Variants in BTBD7 observed in about 807,000 individuals in gnomAD.
BTBD7 encodes the protein BTB domain containing 7.
In BTBD7, 38 loss-of-function variants were observed where a neutral mutation model predicts 99.9. The ratio of observed to expected loss-of-function variants is 0.38; its 90% CI spans 0.29 to 0.50. The LOEUF (loss-of-function observed/expected upper bound fraction) is 0.50, where lower values mean the gene tolerates loss of function less well. Among genes scored for constraint, BTBD7 ranks in the 20% least tolerant of loss-of-function variants. BTBD7 has a pLI of 0.93. For synonymous variants in BTBD7, 520 were observed against 511.4 expected (o/e 1.02, Z -0.23); for missense variants, 1,170 against 1,394.6 (o/e 0.84, Z 2.57).
chr14:93,263,741 C>A (rs372048823), intron 4 of BTBD7, 44 bp downstream of exon 4: 3 of 1,550,922 alleles, frequency 1.9e-6, no homozygotes, highest in East Asian at 2.2e-5. Context: ...GGTTTCTTGG[C>A]GCACATATGA....
At chr14:93,257,806 C>T (rs1258573441) in intron 5 of BTBD7, among the ~76,000 whole-genome samples, 1 of 152,180 alleles carries the variant, frequency 6.6e-6, no homozygotes, top group Non-Finnish European at 1.5e-5. Flanking sequence ...AATTTAACAA[C>T]ATGTTAATCA....
At chr14:93,282,258 C>T (rs1024039951) in intron 3 of BTBD7, among the ~76,000 whole-genome samples, 1 of 151,970 alleles carries the variant, frequency 6.6e-6, no homozygotes, top group African/African-American at 2.4e-5. Context: ...ACTTCTACAA[C>T]TAAAAGTAAA....
At chr14:93,300,031 G>C (rs2052975083) in intron 1 of BTBD7, among the ~76,000 whole-genome samples, 1 of 152,108 alleles carries the variant, frequency 6.6e-6, no homozygotes, top group Non-Finnish European at 1.5e-5. Context: ...ACTTTTTATT[G>C]CTTCATGCAA....
chr14:93,270,419 C>T (rs2052589123), intron 3 of BTBD7, among the ~76,000 whole-genome samples: 2 of 151,538 alleles, frequency 1.3e-5, no homozygotes, highest in Non-Finnish European at 2.9e-5. Flanking sequence ...AACAGCCAAG[C>T]GTGGTGGTGG....
At chr14:93,244,147 T>C in intron 10 of BTBD7, 1 of 476,104 alleles carries the variant, frequency 2.1e-6, no homozygotes, top group Non-Finnish European at 4.2e-6. Flanking sequence ...GCAGAGTGAC[T>C]ATGGTGGGCA....
intron 1 of BTBD7, among the ~76,000 whole-genome samples, chr14:93,316,264 T>A (rs2139813913): frequency 6.6e-6 from 1 of 151,420 alleles, no homozygotes; most frequent in Non-Finnish European, 1.5e-5. Context: ...CTTTTTTTTT[T>A]TAATTTTTTT....
chr14:93,293,122 T>C (rs554949347), intron 3 of BTBD7, among the ~76,000 whole-genome samples: 1 of 152,210 alleles, frequency 6.6e-6, no homozygotes, highest in African/African-American at 2.4e-5. Context: ...GTCTTTGCTC[T>C]CCTACAAAAG....
chr14:93,303,969 C>T (rs1204003539), intron 1 of BTBD7, among the ~76,000 whole-genome samples: 1 of 152,194 alleles, frequency 6.6e-6, no homozygotes, highest in East Asian at 1.9e-4. Context: ...CTGGACATCC[C>T]CAAAAGTTTT....
intron 3 of BTBD7, among the ~76,000 whole-genome samples, chr14:93,277,636 G>A (rs1421094530): frequency 6.6e-6 from 1 of 152,168 alleles, no homozygotes; most frequent in Non-Finnish European, 1.5e-5. Flanking sequence ...TTACTTTCAG[G>A]ATTAAATAAT....
chr14:93,254,704 G>A (rs938188333), intron 6 of BTBD7, among the ~76,000 whole-genome samples: 3 of 152,224 alleles, frequency 2.0e-5, no homozygotes, highest in Admixed American at 2.0e-4. Flanking sequence ...CTGATGCCAG[G>A]AGAATCTGTA....
intron 1 of BTBD7, among the ~76,000 whole-genome samples, chr14:93,326,303 G>A (rs1283194385): frequency 6.6e-6 from 1 of 151,852 alleles, no homozygotes; most frequent in African/African-American, 2.4e-5. Context: ...CCCATCTCCA[G>A]AAAAAGTACA....
At chr14:93,305,416 T>A (rs979564395) in intron 1 of BTBD7, among the ~76,000 whole-genome samples, 1 of 152,208 alleles carries the variant, frequency 6.6e-6, no homozygotes, top group African/African-American at 2.4e-5. Context: ...ATGAACAAGT[T>A]TTGAGAACGT....
chr14:93,309,350 C>G (rs1222692323), intron 1 of BTBD7, among the ~76,000 whole-genome samples: 1 of 150,898 alleles, frequency 6.6e-6, no homozygotes, highest in African/African-American at 2.4e-5. Context: ...AATTCCAGCA[C>G]TTTGGGAGGC....
chr14:93,311,695 TAAAA>T (rs1280741716), intron 1 of BTBD7, among the ~76,000 whole-genome samples: 9 of 151,898 alleles, frequency 5.9e-5, no homozygotes. Context: ...AACCTGAGAA[TAAAA>T]ATATTAACAC....
At chr14:93,320,852 T>A (rs563311169) in intron 1 of BTBD7, among the ~76,000 whole-genome samples, 1 of 152,278 alleles carries the variant, frequency 6.6e-6, no homozygotes, top group East Asian at 1.9e-4. Flanking sequence ...TTAAACAGTA[T>A]AAATGATCAG....
chr14:93,281,591 C>T (rs1043213841), intron 3 of BTBD7, among the ~76,000 whole-genome samples: 1 of 152,140 alleles, frequency 6.6e-6, no homozygotes, highest in African/African-American at 2.4e-5. Context: ...CAAAAGTAAA[C>T]TCTATATATA....
intron 1 of BTBD7, among the ~76,000 whole-genome samples, chr14:93,325,178 A>G (rs1450100594): frequency 6.9e-6 from 1 of 145,544 alleles, no homozygotes; most frequent in East Asian, 2.0e-4. Context: ...CAGTGGCGCA[A>G]TCTTGGCTCA....
At chr14:93,292,012 C>A (rs1477639723) in intron 3 of BTBD7, among the ~76,000 whole-genome samples, 2 of 152,114 alleles carry the variant, frequency 1.3e-5, no homozygotes, top group Non-Finnish European at 2.9e-5. Flanking sequence ...CATGGTAAAA[C>A]CCTGTCTCTA....
At chr14:93,324,619 T>C (rs1386496197) in intron 1 of BTBD7, among the ~76,000 whole-genome samples, 1 of 152,144 alleles carries the variant, frequency 6.6e-6, no homozygotes, top group African/African-American at 2.4e-5. Flanking sequence ...GCTTCATCCC[T>C]TGTGATCCCA....
Sources: allele counts gnomAD v4.1 joint callset (sites outside exome capture counted in the v4.1 genomes callset), GRCh38; gene constraint gnomAD v4.1.1; transcripts MANE v1.5; gene names NCBI Gene and HGNC (gene_info 2026-07-23, HGNC 2026-07-21).